Variants in TPGS2 observed in about 807,000 individuals in gnomAD.
TPGS2 encodes polyglutamylase subunit 2.
Under a neutral mutation model 31.1 loss-of-function variants are expected in TPGS2, and 26 were observed. The observed-to-expected ratio is 0.84, with a 90% confidence interval of 0.61 to 1.16. The LOEUF is 1.16. TPGS2 is among the 50% of genes most tolerant of loss of function. TPGS2 has a pLI of 0.00. For synonymous variants in TPGS2, 130 were observed against 136.6 expected (o/e 0.95, Z 0.34); for missense variants, 351 against 363.8 (o/e 0.96, Z 0.29).
intron 3 of TPGS2, among the ~76,000 whole-genome samples, chr18:36,807,229 C>T (rs1247001588): frequency 6.6e-6 from 1 of 152,178 alleles, no homozygotes; most frequent in Non-Finnish European, 1.5e-5. Context: ...AAATGTTCAG[C>T]ACTGCCTTTT....
chr18:36,791,037 C>T (rs1245976779), downstream of TPGS2, among the ~76,000 whole-genome samples: 1 of 152,058 alleles, frequency 6.6e-6, no homozygotes, highest in Non-Finnish European at 1.5e-5. Context: ...GGGGTGATTT[C>T]CACCTTGCCA....
Position 36,784,426 on chromosome 18 carries a change from G to T in TPGS2, c.658-1295C>A, listed in dbSNP as rs936059909. On this transcript the variant is annotated intron_variant, in intron 6 of 6. Coordinates refer to the TPGS2 transcript ENST00000587129. Reference sequence around the variant, plus strand: ...AGCCATATCTAGATTTTTAAAATCAGAAATCATTTTATCAGATAAGTACAA... The same window carrying T: ...AGCCATATCTAGATTTTTAAAATCATAAATCATTTTATCAGATAAGTACAA... Among the ~76,000 whole-genome samples the T allele has an allele frequency of 1.2e-4, 19 of 152,166 alleles. 1 individual carries two copies. Among genetic ancestry groups the T allele is most frequent in the South Asian group, 4.1e-4 (2 of 4,826 alleles).
At chr18:36,787,161 G>A in intron 6 of TPGS2, 3 of 1,229,014 alleles carry the variant, frequency 2.4e-6, no homozygotes, top group Non-Finnish European at 3.0e-6. Context: ...CATGTTACAG[G>A]TAGCACATTA....
rs2044440748 is a variant in TPGS2 at position 36,794,717 on chromosome 18, T to C, written c.*2088A>G. The C allele has an allele frequency of 1.0e-6, 1 of 985,364 alleles. No homozygotes were observed. Among genetic ancestry groups the C allele is most frequent in the Non-Finnish European group, 1.2e-6 (1 of 829,928 alleles). 61.0% of individuals were successfully genotyped at this position (985,364 alleles called of 1,614,324 possible). A position where few individuals can be genotyped will look rare whatever the true frequency, so the allele number is the denominator to read the frequency against. On this transcript the variant is annotated 3_prime_UTR_variant, in exon 7 of 7. Coordinates refer to ENST00000334295, the MANE Select transcript of TPGS2 (RefSeq NM_015476.4). ...AACAACTTGGTCTCTCTATATCCTT[T>C]TCTGCCACTCCATGAATTGTTGCAC...
downstream of TPGS2, chr18:36,782,944 T>C (rs929639027): frequency 7.3e-5 from 29 of 396,082 alleles, no homozygotes; most frequent in Admixed American, 1.3e-4. Flanking sequence ...GCCTGCCAGC[T>C]CAGTGGCAGG....
chr18:36,809,634 C>T (rs1267993937), intron 2 of TPGS2, among the ~76,000 whole-genome samples: 4 of 152,180 alleles, frequency 2.6e-5, no homozygotes, highest in African/African-American at 9.7e-5. Context: ...TGCAGAATGC[C>T]TTTCTCCCAC....
chr18:36,814,457 A>G (rs2045565958), intron 2 of TPGS2, among the ~76,000 whole-genome samples: 1 of 152,232 alleles, frequency 6.6e-6, no homozygotes, highest in African/African-American at 2.4e-5. Flanking sequence ...TGAAGCAGGT[A>G]TATGATCATT....
chr18:36,782,608 G>A (rs2044043733), downstream of TPGS2, among the ~76,000 whole-genome samples: 1 of 152,140 alleles, frequency 6.6e-6, no homozygotes, highest in Non-Finnish European at 1.5e-5. Flanking sequence ...GATGGAGTGG[G>A]AGTTAGAGAC....
intron 5 of TPGS2, 23 bp from the exon 6 acceptor site, chr18:36,798,632 T>TAA (rs1210419784): frequency 1.2e-6 from 2 of 1,607,558 alleles, no homozygotes; most frequent in Non-Finnish European, 1.7e-6. Flanking sequence ...ACAAAGGAAG[T>TAA]AAAAGATAAA....
intron 4 of TPGS2, among the ~76,000 whole-genome samples, chr18:36,801,971 C>T (rs922470314): frequency 3.9e-5 from 6 of 152,192 alleles, no homozygotes; most frequent in Admixed American, 3.3e-4. Flanking sequence ...TCCCTCAGGT[C>T]ACTGATGCTG....
At chr18:36,790,728 A>G (rs1176154807), downstream of TPGS2, among the ~76,000 whole-genome samples, 3 of 152,238 alleles carry the variant, frequency 2.0e-5, no homozygotes, top group African/African-American at 7.2e-5. Flanking sequence ...CATAATTTGC[A>G]TAAACATTTA....
chr18:36,798,635 A>AAGAT (rs775204805), intron 5 of TPGS2, 26 bp from the exon 6 acceptor site: 1 of 1,607,282 alleles, frequency 6.2e-7, no homozygotes, highest in Admixed American at 1.7e-5. Flanking sequence ...AAGGAAGTAA[A>AAGAT]AGATAAAGAA....
Position 36,795,327 on chromosome 18 carries a change from C to T in TPGS2, c.*1478G>A, listed in dbSNP as rs888515384. The T allele has an allele frequency of 1.0e-6, 1 of 985,484 alleles. No individual in the cohort carries two copies. The highest frequency in any genetic ancestry group is 6.1e-5 in the Admixed American group (1 of 16,272). The allele number at this position is 985,484 out of a possible 1,614,324, so 61.0% of individuals were successfully genotyped here. A position where few individuals can be genotyped will look rare whatever the true frequency, so the allele number is the denominator to read the frequency against. On this transcript the variant is annotated 3_prime_UTR_variant, in exon 7 of 7. Transcript: ENST00000334295. ...TGCAAAGGAAGGAAGTCTGGCCAATCACCGGGGTAGAGAGAAGTCAGGAAA... is the reference window on the plus strand; with the variant it reads ...TGCAAAGGAAGGAAGTCTGGCCAATTACCGGGGTAGAGAGAAGTCAGGAAA...
rs2044463162 is a variant in TPGS2, at chr18:36,795,029, T to C, written c.*1776A>G. 2 of 985,310 alleles carry C rather than the reference T, an allele frequency of 2.0e-6. No individual in the cohort carries two copies. Among genetic ancestry groups the C allele is most frequent in the South Asian group, 9.4e-5 (2 of 21,292 alleles). 61.0% of individuals were successfully genotyped at this position (985,310 alleles called of 1,614,324 possible). ...CTCTTAAGCGCTGATATTTCAAGAC[T>C]TTGAACTATTACAAATATGGGGAAG... is the stretch of plus-strand genomic sequence containing the variant. On this transcript the variant is annotated 3_prime_UTR_variant, in exon 7 of 7. Transcript: ENST00000334295.
chr18:36,825,181 C>T (rs1348996669), intron 1 of TPGS2, among the ~76,000 whole-genome samples: 1 of 152,024 alleles, frequency 6.6e-6, no homozygotes, highest in East Asian at 1.9e-4. Context: ...ACCTGTAATC[C>T]CAGCACTTTG....
chr18:36,781,846 T>C (rs944339781), downstream of TPGS2: 2 of 985,356 alleles, frequency 2.0e-6, no homozygotes, highest in African/African-American at 3.5e-5. Context: ...TAGTACATGA[T>C]GGATGTGAAC....
chr18:36,805,076 C>T (rs768650406), intron 4 of TPGS2, among the ~76,000 whole-genome samples: 2 of 152,168 alleles, frequency 1.3e-5, no homozygotes, highest in African/African-American at 2.4e-5. Context: ...CTGTTATATG[C>T]GACCAAACAC....
rs775786947 is a variant in TPGS2 at position 36,798,481 on chromosome 18, A to T, written c.625T>A (p.Phe209Ile). The T allele has an allele frequency of 6.2e-7, 1 of 1,614,212 alleles. No homozygotes were observed. Among genetic ancestry groups the T allele is most frequent in the East Asian group, 2.2e-5 (1 of 44,864 alleles). ...HLGLPQWQYA[F>I]TSYGISPQAK... ...TGTGGGCTAATGCCATAGCTGGTGAAGGCATATTGCCACTGGGGCAGGCCC... is the reference window on the plus strand; with the variant it reads ...TGTGGGCTAATGCCATAGCTGGTGATGGCATATTGCCACTGGGGCAGGCCC... Residue 209 changes from phenylalanine (F) to isoleucine (I), a missense_variant, in exon 6 of 7, where the codon TTC (phenylalanine) becomes ATC (isoleucine). Phe to Ile is a conservative substitution (Grantham distance 21, BLOSUM62 0). Coordinates refer to ENST00000334295, the MANE Select transcript of TPGS2 (RefSeq NM_015476.4).
chr18:36,786,889 G>C, intron 6 of TPGS2: 21 of 1,234,352 alleles, frequency 1.7e-5, no homozygotes, highest in Non-Finnish European at 2.1e-5. Flanking sequence ...TTGCGACACT[G>C]TTGTTCCCAT....
Sources: allele counts gnomAD v4.1 joint callset (sites outside exome capture counted in the v4.1 genomes callset), GRCh38; gene constraint gnomAD v4.1.1; transcripts MANE v1.5; gene names NCBI Gene and HGNC (gene_info 2026-07-23, HGNC 2026-07-21).